Variants in DSCAM observed in about 807,000 individuals in gnomAD.
The protein encoded by DSCAM is DS cell adhesion molecule.
A neutral mutation model predicts 217.7 loss-of-function variants in DSCAM; 47 were observed. The ratio of observed to expected loss-of-function variants is 0.22; its 90% CI spans 0.17 to 0.28. The LOEUF is 0.28. DSCAM is among the 10% of genes least tolerant of loss of function. The probability of loss-of-function intolerance (pLI) is 1.00; values close to 1 mark genes in which losing one functional copy is unlikely to be tolerated. For missense variants in DSCAM, 2,080 were observed against 2,618.3 expected, an observed-to-expected ratio of 0.79 and a Z score of 4.49; for synonymous variants, 1,056 against 1,015.3, an observed-to-expected ratio of 1.04 and a Z score of -0.76.
At chr21:40,751,381 G>T (rs2091226618) in intron 1 of DSCAM, among the ~76,000 whole-genome samples, 1 of 152,148 alleles carries the variant, frequency 6.6e-6, no homozygotes, top group African/African-American at 2.4e-5. Flanking sequence ...TAAGATGAAG[G>T]CTTCCGCCTG....
intron 11 of DSCAM, among the ~76,000 whole-genome samples, chr21:40,214,588 G>A (rs188211392): frequency 2.6e-5 from 4 of 152,028 alleles, no homozygotes; most frequent in Non-Finnish European, 1.5e-5. Flanking sequence ...AGCCTACACC[G>A]CTGTCTTTGG....
chr21:40,566,005 G>T (rs1270698602), intron 3 of DSCAM, among the ~76,000 whole-genome samples: 1 of 152,124 alleles, frequency 6.6e-6, no homozygotes, highest in East Asian at 1.9e-4. Flanking sequence ...ACTAAAACAT[G>T]ACTTCTCAAA....
chr21:40,360,675 T>G (rs1777904718), intron 4 of DSCAM, among the ~76,000 whole-genome samples: 1 of 152,202 alleles, frequency 6.6e-6, no homozygotes, highest in Non-Finnish European at 1.5e-5. Flanking sequence ...CAGTATACCA[T>G]GGTGTATATG....
chr21:40,709,560 A>T (rs1391917389), intron 1 of DSCAM, among the ~76,000 whole-genome samples: 1 of 151,690 alleles, frequency 6.6e-6, no homozygotes, highest in African/African-American at 2.4e-5. Context: ...TCATTGTTCA[A>T]CTCCCACTTA....
intron 11 of DSCAM, among the ~76,000 whole-genome samples, chr21:40,252,990 G>A (rs2073325428): frequency 6.6e-6 from 1 of 151,930 alleles, no homozygotes; most frequent in Non-Finnish European, 1.5e-5. Context: ...CTGTAAAGTG[G>A]GTAAATGGAA....
intron 16 of DSCAM, among the ~76,000 whole-genome samples, chr21:40,148,188 T>G (rs1250963603): frequency 6.6e-6 from 1 of 151,774 alleles, no homozygotes; most frequent in East Asian, 1.9e-4. Flanking sequence ...GTAGTGTTTT[T>G]ACATCTTTTT....
chr21:40,106,170 A>T (rs1377772565), intron 20 of DSCAM, among the ~76,000 whole-genome samples: 4 of 152,170 alleles, frequency 2.6e-5, no homozygotes, highest in African/African-American at 9.7e-5. Context: ...ACTGCTCTTT[A>T]TAAAACCATC....
intron 1 of DSCAM, among the ~76,000 whole-genome samples, chr21:40,720,346 A>G (rs1441251222): frequency 1.3e-5 from 2 of 152,174 alleles, no homozygotes; most frequent in Non-Finnish European, 2.9e-5. Flanking sequence ...TTCTTTGGAT[A>G]AATGCTTAGA....
At chr21:40,090,245 C>A (rs974031475) in intron 21 of DSCAM, among the ~76,000 whole-genome samples, 2 of 152,182 alleles carry the variant, frequency 1.3e-5, no homozygotes, top group African/African-American at 4.8e-5. Context: ...CATAAACATG[C>A]TCTGATGGCA....
intron 1 of DSCAM, among the ~76,000 whole-genome samples, chr21:40,795,130 C>T (rs144386103): frequency 6.6e-5 from 10 of 152,050 alleles, no homozygotes; most frequent in African/African-American, 1.7e-4. Context: ...CGCAAACTCT[C>T]GGCCCCAGTT....
rs143801289 is a variant in DSCAM, at chr21:40,713,096, T to C, written c.44-4325A>G. Among the ~76,000 whole-genome samples, 293 of 152,304 alleles carry C rather than the reference T, an allele frequency of 1.9e-3. 1 individual carries two copies. The highest frequency in any genetic ancestry group is 3.0e-3 in the Non-Finnish European group (201 of 68,032). On this transcript the variant is annotated intron_variant, in intron 1 of 32. Transcript: ENST00000400454. ...GTGTCTTGTTCAACAATGCTGGAAA[T>C]AACATGGATGATCTCACACTTGAAG...
intron 3 of DSCAM, among the ~76,000 whole-genome samples, chr21:40,416,341 C>T (rs1175882696): frequency 4.6e-5 from 7 of 152,134 alleles, no homozygotes; most frequent in South Asian, 2.1e-4. Flanking sequence ...CATCTGTCTG[C>T]GTGTTTTATC....
At chr21:40,719,414 CAT>C (rs1045520559) in intron 1 of DSCAM, among the ~76,000 whole-genome samples, 2 of 152,166 alleles carry the variant, frequency 1.3e-5, no homozygotes, top group African/African-American at 4.8e-5. Flanking sequence ...AAAGGGAACA[CAT>C]GTGTACACTG....
intron 11 of DSCAM, among the ~76,000 whole-genome samples, chr21:40,232,224 CAGG>C (rs1236351300): frequency 2.6e-5 from 4 of 152,088 alleles, no homozygotes; most frequent in South Asian, 2.1e-4. Context: ...GCCCTGAAGA[CAGG>C]AGAAACAAGA....
intron 6 of DSCAM, among the ~76,000 whole-genome samples, chr21:40,345,880 A>C: frequency 6.6e-6 from 1 of 152,212 alleles, no homozygotes; most frequent in South Asian, 2.1e-4. Context: ...CGACAAATAA[A>C]TCTGCGAGTG....
chr21:40,288,786 T>C (rs558673609), intron 10 of DSCAM, among the ~76,000 whole-genome samples: 3 of 152,326 alleles, frequency 2.0e-5, no homozygotes, highest in Admixed American at 2.0e-4. Context: ...CCATAATAAA[T>C]GCTTTCTATG....
intron 16 of DSCAM, among the ~76,000 whole-genome samples, chr21:40,164,781 G>A (rs1026902159): frequency 5.0e-4 from 76 of 152,038 alleles, no homozygotes; most frequent in African/African-American, 1.8e-3. Context: ...CAGCCTGGGC[G>A]ACAGAGTGAG....
Position 40,363,737 on chromosome 21 carries a change from C to T in DSCAM, c.655+5362G>A, listed in dbSNP as rs1451391069. Among the ~76,000 whole-genome samples the T allele has an allele frequency of 2.0e-5, 3 of 152,134 alleles. No homozygotes were observed. The East Asian group carries it at 5.8e-4, about 29-fold the overall frequency. On this transcript the variant is annotated intron_variant, in intron 4 of 32. Coordinates refer to ENST00000400454, the MANE Select transcript of DSCAM (RefSeq NM_001389.5). The stretch of plus-strand genomic sequence containing the variant: ...CAAAAGAAACTACCATCAGAGTGAA[C>T]AGGCAACCTACAGAATAGGAGAAAA...
At chr21:40,765,132 G>A (rs1040803517) in intron 1 of DSCAM, among the ~76,000 whole-genome samples, 1 of 151,970 alleles carries the variant, frequency 6.6e-6, no homozygotes, top group Admixed American at 6.5e-5. Context: ...AGAAAGTTCT[G>A]TGGAACCAAA....
Sources: allele counts gnomAD v4.1 joint callset (sites outside exome capture counted in the v4.1 genomes callset), GRCh38; gene constraint gnomAD v4.1.1; transcripts MANE v1.5; gene names NCBI Gene and HGNC (gene_info 2026-07-23, HGNC 2026-07-21).